Variants in LRCOL1 observed in about 807,000 individuals in gnomAD.
LRCOL1 encodes leucine rich colipase like 1.
In LRCOL1, 21 loss-of-function variants were observed where a neutral mutation model predicts 21.6. The ratio of observed to expected loss-of-function variants is 0.97; its 90% CI spans 0.69 to 1.40. The LOEUF is 1.40. Among genes scored for constraint, LRCOL1 ranks in the 40% most tolerant of loss-of-function variants. The pLI is 0.00. For missense variants in LRCOL1, 198 were observed against 202.3 expected, an observed-to-expected ratio of 0.98 and a Z score of 0.13; for synonymous variants, 98 against 90.1, an observed-to-expected ratio of 1.09 and a Z score of -0.49.
Position 132,604,240 on chromosome 12 carries a change from C to T in LRCOL1, c.477+14G>A, listed in dbSNP as rs572102742. 4.5e-5 allele frequency: 69 copies of T among 1,523,276 alleles called. No individual in the cohort carries two copies. The highest frequency in any genetic ancestry group is 4.1e-4 in the African/African-American group (30 of 72,990). The allele number at this position is 1,523,276 out of a possible 1,614,324, so 94.4% of individuals were successfully genotyped here. A position where few individuals can be genotyped will look rare whatever the true frequency, so the allele number is the denominator to read the frequency against. ...AGGGAGGGCCTGGAGGCTGAGCCCCCGCCCGGGACTTACCAGGGGCAGGCA... is the reference window on the plus strand; with the variant it reads ...AGGGAGGGCCTGGAGGCTGAGCCCCTGCCCGGGACTTACCAGGGGCAGGCA... On this transcript the variant is annotated intron_variant, in intron 5 of 5. Transcript: ENST00000376608.
chr12:132,608,604 T>C (rs545817201), intron 1 of LRCOL1, among the ~76,000 whole-genome samples: 18 of 152,334 alleles, frequency 1.2e-4, no homozygotes, highest in South Asian at 8.3e-4. Context: ...CCTTGCTCTG[T>C]TGCCCAGGCT....
chr12:132,605,971 G>A (rs963736640), intron 2 of LRCOL1, 176 bp downstream of exon 2: 13 of 622,998 alleles, frequency 2.1e-5, no homozygotes, highest in African/African-American at 3.7e-5. Context: ...CCAGGAGAGC[G>A]AGTGCAGCCT....
At chr12:132,604,859 C>T (rs1161581730) in intron 2 of LRCOL1, 28 bp from the exon 3 acceptor site, 5 of 1,534,448 alleles carry the variant, frequency 3.3e-6, no homozygotes, top group Non-Finnish European at 1.7e-6. Context: ...AGCTCGCTCA[C>T]CTGTTCCTGG....
chr12:132,603,486 C>T, intron 5 of LRCOL1, 82 bp from the exon 6 acceptor site: 4 of 1,535,444 alleles, frequency 2.6e-6, no homozygotes, highest in Non-Finnish European at 3.5e-6. Flanking sequence ...AACCCGGGGC[C>T]ACAGCATCTC....
intron 5 of LRCOL1, 176 bp from the exon 6 acceptor site, chr12:132,603,580 C>T (rs2041255476): frequency 1.2e-5 from 12 of 984,952 alleles, no homozygotes; most frequent in Non-Finnish European, 1.4e-5. Flanking sequence ...CCACGAGCCG[C>T]GCCAGGCGCC....
At chr12:132,605,828 G>A in intron 2 of LRCOL1, 2 of 381,556 alleles carry the variant, frequency 5.2e-6, no homozygotes, top group Non-Finnish European at 9.3e-6. Flanking sequence ...GTGCACACTG[G>A]TGCAGCTCCC....
rs1438604769 is a variant in LRCOL1 at position 132,610,361 on chromosome 12, G to A, written c.-52C>T. 6.6e-6 allele frequency: 1 copy of A among 152,248 alleles called. No homozygotes were observed. The highest frequency in any genetic ancestry group is 2.4e-5 in the African/African-American group (1 of 41,450). The allele number at this position is 152,248 out of a possible 1,614,324, so 9.4% of individuals were successfully genotyped here. The stretch of plus-strand genomic sequence containing the variant: ...GCGCCAGCAGCCCCTCTGTGTAGAG[G>A]TGAGACAGGCCAAGCTGCAGCTTCT... On this transcript the variant is annotated 5_prime_UTR_variant, in exon 1 of 6. Transcript: ENST00000376608.
At position 132,606,091 on chromosome 12, in the gene LRCOL1, C is replaced by G; in HGVS notation, c.105+56G>C. The stretch of plus-strand genomic sequence containing the variant: ...GCAAGGGCCTCAGGGGCGCCCGGCA[C>G]CCACCTTATGGCGCGTGTGGGGCCT... On this transcript the variant is annotated intron_variant, in intron 2 of 5. Transcript: ENST00000376608. The surrounding 1 kb of genome is among the most constrained non-coding windows in gnomAD (Gnocchi z 4.6). 6.6e-7 allele frequency: 1 copy of G among 1,514,794 alleles called. No homozygotes were observed. The allele number at this position is 1,514,794 out of a possible 1,614,324, so 93.8% of individuals were successfully genotyped here.
rs2041250828 is a variant in LRCOL1, at chr12:132,603,392, C to T, written c.*10G>A. The stretch of plus-strand genomic sequence containing the variant: ...CAGGCCGGTCCCTCGCGCCCAGGTT[C>T]GAGCTCACATCACTGAAGGAGAAGC... On this transcript the variant is annotated 3_prime_UTR_variant, in exon 6 of 6. Coordinates refer to ENST00000376608, the MANE Select transcript of LRCOL1 (RefSeq NM_001195520.2). 3.3e-6 allele frequency: 5 copies of T among 1,536,208 alleles called. No individual in the cohort carries two copies. Among genetic ancestry groups the T allele is most frequent in the Middle Eastern group, 1.7e-4 (1 of 5,990 alleles).
In LRCOL1 at chr12:132,604,256, G is replaced by A; in HGVS notation, c.475C>T (p.Leu159=). ...RTGILAQCLP[L] ...CTGAGCCCCCGCCCGGGACTTACCA[G>A]GGGCAGGCACTGGGCCAGGATCCCG... Residue 159 remains leucine (L), a splice_region_variant and synonymous_variant, in exon 5 of 6, where the codon CTG becomes TTG. Coordinates refer to ENST00000376608, the MANE Select transcript of LRCOL1 (RefSeq NM_001195520.2). 1.3e-6 allele frequency: 2 copies of A among 1,533,528 alleles called. No individual in the cohort carries two copies. Among genetic ancestry groups the A allele is most frequent in the Non-Finnish European group, 1.7e-6 (2 of 1,145,722 alleles). 95.0% of individuals were successfully genotyped at this position (1,533,528 alleles called of 1,614,324 possible).
intron 1 of LRCOL1, among the ~76,000 whole-genome samples, chr12:132,607,863 CTCTG>C (rs1325528049): frequency 1.4e-5 from 2 of 147,198 alleles, no homozygotes; most frequent in Admixed American, 6.7e-5. Context: ...CTCTCTGCCT[CTCTG>C]TCTCTGTCTC....
In LRCOL1 at chr12:132,604,820, C is replaced by T; in HGVS notation, c.117G>A (p.Glu39=). 1 of 1,535,838 alleles carries T rather than the reference C, an allele frequency of 6.5e-7. No individual in the cohort carries two copies. The highest frequency in any genetic ancestry group is 8.7e-7 in the Non-Finnish European group (1 of 1,146,646). Residue 39 remains glutamate (E), a synonymous_variant, in exon 3 of 6, where the codon GAG becomes GAA. Coordinates refer to ENST00000376608, the MANE Select transcript of LRCOL1 (RefSeq NM_001195520.2). ...GGCACTCCTCGTGTCTCCTGCATGG[C>T]TCCCCGATGCCCTGAAACACCACTC... ...KLNLSHKGIG[E]PCRRHEECQS...
At position 132,606,099 on chromosome 12, in the gene LRCOL1, A is replaced by G. The variant is rs1391192471; in HGVS notation, c.105+48T>C. ...CTCAGGGGCGCCCGGCACCCACCTT[A>G]TGGCGCGTGTGGGGCCTGCAGGGGC... On this transcript the variant is annotated intron_variant, in intron 2 of 5. Transcript: ENST00000376608. The surrounding 1 kb of genome is among the most constrained non-coding windows in gnomAD (Gnocchi z 4.6). 4 of 1,520,250 alleles carry G rather than the reference A, an allele frequency of 2.6e-6. No homozygotes were observed. Among genetic ancestry groups the G allele is most frequent in the Admixed American group, 3.9e-5 (2 of 50,848 alleles). The allele number at this position is 1,520,250 out of a possible 1,614,324, so 94.2% of individuals were successfully genotyped here. A position where few individuals can be genotyped will look rare whatever the true frequency, so the allele number is the denominator to read the frequency against.
At chr12:132,607,010 G>A (rs748269669) in intron 1 of LRCOL1, among the ~76,000 whole-genome samples, 14 of 152,254 alleles carry the variant, frequency 9.2e-5, no homozygotes, top group Middle Eastern at 6.8e-3. Flanking sequence ...GAGCGGGAGC[G>A]GGGGCCTCAG....
intron 1 of LRCOL1, among the ~76,000 whole-genome samples, chr12:132,609,213 G>A (rs962173464): frequency 4.6e-5 from 7 of 152,208 alleles, no homozygotes; most frequent in African/African-American, 1.7e-4. Context: ...TTGATCCCAC[G>A]TGTGAGGTCT....
intron 1 of LRCOL1, among the ~76,000 whole-genome samples, chr12:132,607,835 CTCTT>C (rs1355625046): frequency 3.3e-5 from 5 of 149,670 alleles, no homozygotes; most frequent in African/African-American, 1.0e-4. Flanking sequence ...CTGTCTCTGT[CTCTT>C]TCTGTCTCTG....
chr12:132,603,380 C>G lies in LRCOL1; in HGVS notation c.*22G>C, dbSNP rs1333961918. On this transcript the variant is annotated 3_prime_UTR_variant, in exon 6 of 6. Transcript: ENST00000376608. ...CATCCCAGGGCCCAGGCCGGTCCCTCGCGCCCAGGTTCGAGCTCACATCAC... is the reference window on the plus strand; with the variant it reads ...CATCCCAGGGCCCAGGCCGGTCCCTGGCGCCCAGGTTCGAGCTCACATCAC... 4.6e-6 allele frequency: 7 copies of G among 1,536,200 alleles called. No homozygotes were observed. Among genetic ancestry groups the G allele is most frequent in the Non-Finnish European group, 6.1e-6 (7 of 1,146,908 alleles).
At position 132,603,162 on chromosome 12, in the gene LRCOL1, G is replaced by A. The variant is rs373631263; in HGVS notation, c.*240C>T. On this transcript the variant is annotated 3_prime_UTR_variant, in exon 6 of 6. Transcript: ENST00000376608. ...TGAGACACGGCTGCTCAGTCGGCCA[G>A]GAGCCTTTATTGATGTTTAACAATC... The A allele has an allele frequency of 6.4e-5, 32 of 501,872 alleles. No individual in the cohort carries two copies. The highest frequency in any genetic ancestry group is 5.3e-4 in the East Asian group (16 of 30,294). 31.1% of individuals were successfully genotyped at this position (501,872 alleles called of 1,614,324 possible). A position where few individuals can be genotyped will look rare whatever the true frequency, so the allele number is the denominator to read the frequency against.
intron 5 of LRCOL1, 147 bp from the exon 6 acceptor site, chr12:132,603,551 C>T: frequency 1.3e-6 from 2 of 1,490,860 alleles, no homozygotes; most frequent in East Asian, 2.5e-5. Context: ...CGCCCACGCT[C>T]AGCTCGCGAG....
Sources: allele counts gnomAD v4.1 joint callset (sites outside exome capture counted in the v4.1 genomes callset), GRCh38; gene constraint gnomAD v4.1.1; non-coding constraint Gnocchi (gnomAD v3.1); transcripts MANE v1.5; gene names NCBI Gene and HGNC (gene_info 2026-07-23, HGNC 2026-07-21).